The following MALRD1 variants were observed in gnomAD, a reference collection of about 807,000 sequenced individuals.
MALRD1 encodes MAM and LDL-receptor class A domain-containing protein 1.
Under a neutral mutation model 242.1 loss-of-function variants are expected in MALRD1, and 247 were observed. The ratio of observed to expected loss-of-function variants is 1.02; its 90% CI spans 0.92 to 1.13. The LOEUF is 1.13. Ranked by LOEUF, MALRD1 falls within the 50% of genes most tolerant of loss-of-function variation. MALRD1 has a pLI of 0.00. For missense variants in MALRD1, 2,989 were observed against 2,533.1 expected, an observed-to-expected ratio of 1.18 and a Z score of -3.86; for synonymous variants, 995 against 866.6, an observed-to-expected ratio of 1.15 and a Z score of -2.60.
intron 38 of MALRD1, among the ~76,000 whole-genome samples, chr10:19,695,464 G>A (rs1487240726): frequency 6.6e-6 from 1 of 151,648 alleles, no homozygotes; most frequent in Non-Finnish European, 1.5e-5. Context: ...TATGGCTGGG[G>A]AGGCCTCACA....
chr10:19,712,355 A>T (rs1255700822), intron 38 of MALRD1, among the ~76,000 whole-genome samples: 1 of 152,204 alleles, frequency 6.6e-6, no homozygotes. Context: ...ATGCAGTTTT[A>T]TTGCTTTTTG....
At chr10:19,612,429 AT>A (rs950645713) in intron 35 of MALRD1, among the ~76,000 whole-genome samples, 1 of 151,840 alleles carries the variant, frequency 6.6e-6, no homozygotes, top group African/African-American at 2.4e-5. Flanking sequence ...CAAATTGCTG[AT>A]TTTTTTGAAA....
intron 36 of MALRD1, among the ~76,000 whole-genome samples, chr10:19,677,903 A>T (rs1374677442): frequency 1.3e-5 from 2 of 152,214 alleles, no homozygotes; most frequent in Non-Finnish European, 2.9e-5. Flanking sequence ...CAGTTATCCC[A>T]GCACCATTTA....
chr10:19,266,552 TATA>T (rs1389624783), intron 19 of MALRD1, among the ~76,000 whole-genome samples: 5 of 151,916 alleles, frequency 3.3e-5, no homozygotes, highest in South Asian at 2.1e-4. Context: ...TTTTTATATT[TATA>T]ATATTTAAAA....
At chr10:19,454,155 C>T (rs11812133) in intron 29 of MALRD1, among the ~76,000 whole-genome samples, 1 of 151,768 alleles carries the variant, frequency 6.6e-6, no homozygotes, top group Admixed American at 6.6e-5. Context: ...AGTCAGAGAA[C>T]CTAATTAGCA....
intron 18 of MALRD1, among the ~76,000 whole-genome samples, chr10:19,253,583 T>C (rs900877770): frequency 6.6e-6 from 1 of 151,916 alleles, no homozygotes; most frequent in Non-Finnish European, 1.5e-5. Flanking sequence ...TGTATACACA[T>C]CTTTCACAGC....
At chr10:19,287,343 A>C (rs1222594117) in intron 21 of MALRD1, among the ~76,000 whole-genome samples, 1 of 152,028 alleles carries the variant, frequency 6.6e-6, no homozygotes, top group Non-Finnish European at 1.5e-5. Flanking sequence ...TTGACATCCT[A>C]TTAAGAGGAA....
chr10:19,382,341 C>CGT lies in MALRD1; in HGVS notation c.4442-5174_4442-5173dup, dbSNP rs373616841. Among the ~76,000 whole-genome samples, 21 of 88,370 alleles carry CGT rather than the reference C, an allele frequency of 2.4e-4. No homozygotes were observed. In the South Asian group the frequency reaches 4.0e-3, roughly 17 times the overall value. 58.0% of individuals were successfully genotyped at this position (88,370 alleles called of 152,430 possible). ...TCTGATATTATTTGATAGATGGAAG[C>CGT]GTGTGTGTGTGTGTATGTGTGAGTG... On this transcript the variant is annotated intron_variant, in intron 26 of 39. Coordinates refer to ENST00000454679, the MANE Select transcript of MALRD1 (RefSeq NM_001142308.3).
chr10:19,276,663 T>A (rs1840542594), intron 19 of MALRD1, among the ~76,000 whole-genome samples: 1 of 152,206 alleles, frequency 6.6e-6, no homozygotes, highest in African/African-American at 2.4e-5. Context: ...ATTCCCTTTT[T>A]AATTTTTTTT....
intron 28 of MALRD1, among the ~76,000 whole-genome samples, chr10:19,404,049 C>G (rs1013405061): frequency 6.6e-6 from 1 of 151,940 alleles, no homozygotes; most frequent in Non-Finnish European, 1.5e-5. Context: ...TAAAAAATGT[C>G]TAAGCAGAAG....
rs191611112 is a variant in MALRD1, at chr10:19,670,359, T to C, written c.6138-21923T>C. ...AGCCTTCACCTGTTGTGGTGATCCATGTCTTCCCTCAGAAAAGACCCTTTG... is the reference window on the plus strand; with the variant it reads ...AGCCTTCACCTGTTGTGGTGATCCACGTCTTCCCTCAGAAAAGACCCTTTG... On this transcript the variant is annotated intron_variant, in intron 36 of 39. Coordinates refer to ENST00000454679, the MANE Select transcript of MALRD1 (RefSeq NM_001142308.3). Among the ~76,000 whole-genome samples the C allele has an allele frequency of 1.4e-4, 22 of 152,318 alleles. No individual in the cohort carries two copies. In the East Asian group the frequency reaches 3.7e-3, roughly 25 times the overall value.
At chr10:19,640,045 T>C (rs2131675409) in intron 36 of MALRD1, among the ~76,000 whole-genome samples, 1 of 152,274 alleles carries the variant, frequency 6.6e-6, no homozygotes, top group South Asian at 2.1e-4. Flanking sequence ...CCATTGACTG[T>C]GAGGCCCACC....
intron 38 of MALRD1, chr10:19,721,588 C>A (rs1222849073): frequency 6.6e-6 from 1 of 152,086 alleles, no homozygotes; most frequent in African/African-American, 2.4e-5. Flanking sequence ...CCTGAAAATT[C>A]ACTTGAAGAC....
At chr10:19,334,433 TACC>T (rs1843519021) in intron 24 of MALRD1, among the ~76,000 whole-genome samples, 2 of 151,964 alleles carry the variant, frequency 1.3e-5, no homozygotes, top group African/African-American at 4.8e-5. Flanking sequence ...TTAATGTTTT[TACC>T]ACCAAGAGAT....
intron 29 of MALRD1, among the ~76,000 whole-genome samples, chr10:19,474,303 G>T (rs1462559232): frequency 2.0e-5 from 3 of 152,042 alleles, no homozygotes; most frequent in African/African-American, 7.2e-5. Flanking sequence ...GAAAATATAA[G>T]TACATATACA....
chr10:19,117,220 A>G (rs545468108), intron 5 of MALRD1, among the ~76,000 whole-genome samples: 24 of 152,264 alleles, frequency 1.6e-4, no homozygotes, highest in Admixed American at 4.6e-4. Flanking sequence ...CACTAAAATA[A>G]AAAGAGCTGT....
chr10:19,721,819 C>G (rs748477349), intron 38 of MALRD1: 1 of 152,226 alleles, frequency 6.6e-6, no homozygotes, highest in South Asian at 2.1e-4. Flanking sequence ...AGCCGCCAAG[C>G]GGCTCTGGGC....
At chr10:19,683,881 C>T (rs1475906941) in intron 36 of MALRD1, among the ~76,000 whole-genome samples, 2 of 152,078 alleles carry the variant, frequency 1.3e-5, no homozygotes, top group Admixed American at 1.3e-4. Context: ...ATCTGGGTTT[C>T]AAGCCCAGCA....
intron 4 of MALRD1, among the ~76,000 whole-genome samples, chr10:19,096,650 T>C (rs1482203233): frequency 2.0e-5 from 3 of 152,172 alleles, no homozygotes; most frequent in African/African-American, 7.2e-5. Flanking sequence ...TGAAAAGATT[T>C]TGTGAGGGGC....
Sources: allele counts gnomAD v4.1 joint callset (sites outside exome capture counted in the v4.1 genomes callset), GRCh38; gene constraint gnomAD v4.1.1; transcripts MANE v1.5; gene names NCBI Gene and HGNC (gene_info 2026-07-23, HGNC 2026-07-21).